The following BRI3BP variants were observed in gnomAD, a reference collection of about 807,000 sequenced individuals.
BRI3BP encodes the protein BRI3 binding protein.
A neutral mutation model predicts 15.8 loss-of-function variants in BRI3BP; 7 were observed. That is an observed-to-expected ratio of 0.44 (90% CI 0.25 to 0.83). The LOEUF (loss-of-function observed/expected upper bound fraction) is 0.83. Among genes scored for constraint, BRI3BP ranks in the 40% least tolerant of loss-of-function variants. BRI3BP has a pLI of 0.20. For missense variants in BRI3BP, 320 were observed against 339.3 expected (o/e 0.94, Z 0.45); for synonymous variants, 192 against 163.5 (o/e 1.17, Z -1.33).
chr12:125,047,565 G>T, the BRI3BP span, among the ~76,000 whole-genome samples: 4 of 151,824 alleles, frequency 2.6e-5, no homozygotes, highest in South Asian at 8.3e-4. Flanking sequence ...TAGTAGAGAC[G>T]GGGTTTTGCC....
downstream of BRI3BP, among the ~76,000 whole-genome samples, chr12:125,034,041 C>T (rs1955425408): frequency 7.1e-6 from 1 of 141,380 alleles, no homozygotes; most frequent in Non-Finnish European, 1.5e-5. Context: ...ACCACCCAGG[C>T]TGTTTTTGTT....
intron 2 of BRI3BP, among the ~76,000 whole-genome samples, chr12:125,014,501 G>C (rs1955224760): frequency 6.6e-6 from 1 of 152,218 alleles, no homozygotes; most frequent in African/African-American, 2.4e-5. Flanking sequence ...TCCCGGGCAG[G>C]CCAGGCCCAA....
At chr12:125,007,125 C>G (rs988011122) in intron 1 of BRI3BP, among the ~76,000 whole-genome samples, 1 of 151,862 alleles carries the variant, frequency 6.6e-6, no homozygotes, top group Admixed American at 6.6e-5. Context: ...CTTGAATCCA[C>G]AAGGCAGAGG....
chr12:125,023,175 G>C (rs748620232), intron 2 of BRI3BP, among the ~76,000 whole-genome samples: 4 of 152,196 alleles, frequency 2.6e-5, no homozygotes, highest in Admixed American at 6.5e-5. Flanking sequence ...GCTTAACCAA[G>C]ATGGACACCT....
At chr12:124,996,129 G>A (rs1235139482) in intron 1 of BRI3BP, among the ~76,000 whole-genome samples, 1 of 152,088 alleles carries the variant, frequency 6.6e-6, no homozygotes, top group Non-Finnish European at 1.5e-5. Flanking sequence ...GACCAGTCTG[G>A]TCTCAAACTC....
Position 124,994,002 on chromosome 12 carries a change from A to G in BRI3BP, c.212A>G (p.Lys71Arg). The change falls in exon 1 of 3, where the codon AAG becomes AGG. Residue 71 changes from lysine to arginine, a missense_variant and splice_region_variant. By Grantham distance (26) the Lys-to-Arg change is conservative. Coordinates refer to ENST00000341446, the MANE Select transcript of BRI3BP (RefSeq NM_080626.6). ...GAGGACAACGTGCGCGCCGCTCAGA[A>G]GGTGGGCGCCGGGCCCGCGCCCGCG... Reference protein sequence around the residue: ...FGEDNVRAAQKFLARLTERFV... With the variant: ...FGEDNVRAAQRFLARLTERFV... The G allele has an allele frequency of 7.5e-7, 1 of 1,332,364 alleles. No individual in the cohort carries two copies. Among genetic ancestry groups the G allele is most frequent in the Non-Finnish European group, 9.7e-7 (1 of 1,026,524 alleles). The allele number at this position is 1,332,364 out of a possible 1,614,324, so 82.5% of individuals were successfully genotyped here. A position where few individuals can be genotyped will look rare whatever the true frequency, so the allele number is the denominator to read the frequency against.
intron 2 of BRI3BP, among the ~76,000 whole-genome samples, chr12:125,024,668 G>T (rs890553225): frequency 6.6e-6 from 1 of 152,080 alleles, no homozygotes; most frequent in East Asian, 1.9e-4. Flanking sequence ...GTGTGGTGGC[G>T]CATGCCTGTA....
chr12:125,015,047 G>A (rs965934218), intron 2 of BRI3BP, among the ~76,000 whole-genome samples: 1 of 152,182 alleles, frequency 6.6e-6, no homozygotes, highest in African/African-American at 2.4e-5. Context: ...GATTGTAGGC[G>A]TGAGCCACCA....
At chr12:125,001,895 TC>T (rs1333032331) in intron 1 of BRI3BP, among the ~76,000 whole-genome samples, 2 of 152,300 alleles carry the variant, frequency 1.3e-5, no homozygotes, top group East Asian at 3.9e-4. Flanking sequence ...ACTACTTTTT[TC>T]CTTTGCCCCA....
At chr12:125,047,048 T>C in the BRI3BP span, among the ~76,000 whole-genome samples, 2 of 152,252 alleles carry the variant, frequency 1.3e-5, no homozygotes, top group Non-Finnish European at 2.9e-5. Flanking sequence ...GCATTGTGTA[T>C]ATGTTCTAAC....
chr12:125,043,808 A>T, the BRI3BP span, among the ~76,000 whole-genome samples: 1 of 152,148 alleles, frequency 6.6e-6, no homozygotes. Flanking sequence ...ATGAGCCAAG[A>T]TCGCAACACT....
chr12:125,046,559 C>T, the BRI3BP span, among the ~76,000 whole-genome samples: 1 of 151,106 alleles, frequency 6.6e-6, no homozygotes, highest in Non-Finnish European at 1.5e-5. Flanking sequence ...AGTGAGACTC[C>T]GTCTTGGAAA....
Position 124,993,973 on chromosome 12 carries a change from C to A in BRI3BP, c.183C>A (p.Phe61Leu), listed in dbSNP as rs761065540. ...TCTCCCAGAGCGTCAGCAGCCTGTT[C>A]GGCGAGGACAACGTGCGCGCCGCTC... ...NTFSQSVSSLFGEDNVRAAQK... is the reference protein window; with the variant it reads ...NTFSQSVSSLLGEDNVRAAQK... The change falls in exon 1 of 3, where the codon TTC becomes TTA. Residue 61 changes from phenylalanine to leucine, a missense_variant. By Grantham distance (22) the Phe-to-Leu change is conservative. Coordinates refer to ENST00000341446, the MANE Select transcript of BRI3BP (RefSeq NM_080626.6). The A allele has an allele frequency of 7.4e-7, 1 of 1,358,968 alleles. No individual in the cohort carries two copies. The highest frequency in any genetic ancestry group is 9.6e-7 in the Non-Finnish European group (1 of 1,040,466). 84.2% of individuals were successfully genotyped at this position (1,358,968 alleles called of 1,614,324 possible).
At position 125,028,922 on chromosome 12, in the gene BRI3BP, G is replaced by A. The variant is rs1197468556; in HGVS notation, c.*3492G>A. ...GAGAAACCTTTTTTCTATCTTCAGGGCTGTAGAATATATTAGCGTAACACT... is the reference window on the plus strand; with the variant it reads ...GAGAAACCTTTTTTCTATCTTCAGGACTGTAGAATATATTAGCGTAACACT... On this transcript the variant is annotated 3_prime_UTR_variant, in exon 3 of 3. Transcript: ENST00000341446. 6.6e-6 allele frequency: 1 copy of A among 152,100 alleles called. No individual in the cohort carries two copies. Among genetic ancestry groups the A allele is most frequent in the African/African-American group, 2.4e-5 (1 of 41,408 alleles). 9.4% of individuals were successfully genotyped at this position (152,100 alleles called of 1,614,324 possible). A position where few individuals can be genotyped will look rare whatever the true frequency, so the allele number is the denominator to read the frequency against.
intron 2 of BRI3BP, among the ~76,000 whole-genome samples, chr12:125,014,757 T>A (rs879915446): frequency 1.3e-5 from 2 of 152,178 alleles, no homozygotes; most frequent in Non-Finnish European, 2.9e-5. Flanking sequence ...GCTCTGCACC[T>A]GGCACAAAGA....
At chr12:125,017,022 AT>A (rs1175112507) in intron 2 of BRI3BP, among the ~76,000 whole-genome samples, 3 of 146,062 alleles carry the variant, frequency 2.1e-5, no homozygotes, top group Admixed American at 6.9e-5. Context: ...TATTATTATT[AT>A]TTTTTTTTTT....
intron 2 of BRI3BP, among the ~76,000 whole-genome samples, chr12:125,022,158 G>A (rs1258874492): frequency 1.3e-5 from 2 of 151,778 alleles, no homozygotes; most frequent in Non-Finnish European, 2.9e-5. Flanking sequence ...CTGGGGGTGG[G>A]GCCCAGCAAC....
chr12:125,047,254 T>C, the BRI3BP span, among the ~76,000 whole-genome samples: 1 of 151,772 alleles, frequency 6.6e-6, no homozygotes, highest in East Asian at 1.9e-4. Flanking sequence ...GTTCACGCCA[T>C]TCTCCTGCCT....
At chr12:125,037,940 G>T in the BRI3BP span, among the ~76,000 whole-genome samples, 2 of 152,098 alleles carry the variant, frequency 1.3e-5, no homozygotes, top group African/African-American at 4.8e-5. Flanking sequence ...AAAAGTGCTG[G>T]TTTCTAGGCT....
Sources: allele counts gnomAD v4.1 joint callset (sites outside exome capture counted in the v4.1 genomes callset), GRCh38; gene constraint gnomAD v4.1.1; transcripts MANE v1.5; gene names NCBI Gene and HGNC (gene_info 2026-07-23, HGNC 2026-07-21).